The following RABGAP1L variants were observed in gnomAD, a reference collection of about 807,000 sequenced individuals.
RABGAP1L encodes the protein rab GTPase-activating protein 1-like.
Under a neutral mutation model 137.7 loss-of-function variants are expected in RABGAP1L, and 63 were observed. The observed-to-expected ratio is 0.46, with a 90% CI of 0.37 to 0.56. RABGAP1L has a LOEUF of 0.56. Among genes scored for constraint, RABGAP1L ranks in the 20% least tolerant of loss-of-function variants. The probability of loss-of-function intolerance (pLI) is 0.00; values close to 1 mark genes in which losing one functional copy is unlikely to be tolerated. For synonymous variants in RABGAP1L, 431 were observed against 433.7 expected (o/e 0.99, Z 0.08); for missense variants, 1,095 against 1,244.0 (o/e 0.88, Z 1.80).
chr1:174,519,108 T>TAC lies in RABGAP1L; in HGVS notation c.1711-118254_1711-118253dup, dbSNP rs1023502727. Among the ~76,000 whole-genome samples the TAC allele has an allele frequency of 2.7e-4, 41 of 149,896 alleles. No homozygotes were observed. The South Asian group carries it at 2.7e-3, about 10-fold the overall frequency. On this transcript the variant is annotated intron_variant, in intron 13 of 25. Transcript: ENST00000681986. ...ATATATATACACACACACACACACA[T>TAC]ACACACACACACACGTTATATATAA...
chr1:174,261,832 T>C (rs1673602358), intron 7 of RABGAP1L, among the ~76,000 whole-genome samples: 1 of 152,212 alleles, frequency 6.6e-6, no homozygotes, highest in Non-Finnish European at 1.5e-5. Flanking sequence ...TGTTTTATTC[T>C]CTTATGTGAA....
intron 13 of RABGAP1L, among the ~76,000 whole-genome samples, chr1:174,404,093 C>T (rs1307078669): frequency 2.0e-5 from 3 of 152,158 alleles, no homozygotes; most frequent in Non-Finnish European, 2.9e-5. Context: ...AAAGACTTCA[C>T]ACCCTTGAGG....
At chr1:174,627,734 A>C (rs985424807) in intron 13 of RABGAP1L, among the ~76,000 whole-genome samples, 1 of 152,208 alleles carries the variant, frequency 6.6e-6, no homozygotes, top group African/African-American at 2.4e-5. Flanking sequence ...TGTGATGATA[A>C]TGTCAAGGGC....
At position 174,541,906 on chromosome 1, in the gene RABGAP1L, C is replaced by T. The variant is rs569388076; in HGVS notation, c.1711-95469C>T. Among the ~76,000 whole-genome samples the T allele has an allele frequency of 7.2e-5, 11 of 152,256 alleles. No homozygotes were observed. In the South Asian group the frequency reaches 1.0e-3, roughly 14 times the overall value. ...ATGATGGATTATGTTTATTGATTTGCGTATGTTGAACTAGCCTTGCATCCC... is the reference window on the plus strand; with the variant it reads ...ATGATGGATTATGTTTATTGATTTGTGTATGTTGAACTAGCCTTGCATCCC... On this transcript the variant is annotated intron_variant, in intron 13 of 25. Coordinates refer to ENST00000681986, the MANE Select transcript of RABGAP1L (RefSeq NM_001366446.1).
intron 10 of RABGAP1L, among the ~76,000 whole-genome samples, chr1:174,296,156 G>A (rs181213580): frequency 6.6e-6 from 1 of 152,296 alleles, no homozygotes; most frequent in African/African-American, 2.4e-5. Context: ...AATGCCTAAA[G>A]TATCAGTTAC....
chr1:174,990,891 G>A lies in RABGAP1L; in HGVS notation c.*890G>A, dbSNP rs1672013559. 1 of 152,158 alleles carries A rather than the reference G, an allele frequency of 6.6e-6. No homozygotes were observed. Among genetic ancestry groups the A allele is most frequent in the Non-Finnish European group, 1.5e-5 (1 of 68,020 alleles). The allele number at this position is 152,158 out of a possible 1,614,324, so 9.4% of individuals were successfully genotyped here. A position where few individuals can be genotyped will look rare whatever the true frequency, so the allele number is the denominator to read the frequency against. On this transcript the variant is annotated 3_prime_UTR_variant, in exon 26 of 26. Coordinates refer to ENST00000681986, the MANE Select transcript of RABGAP1L (RefSeq NM_001366446.1). Reference sequence around the variant, plus strand: ...CTGAATAGAGTGGAATATAGAACCAGGGACAGAGTATTTCATTTAACGTTG... The same window carrying A: ...CTGAATAGAGTGGAATATAGAACCAAGGACAGAGTATTTCATTTAACGTTG...
chr1:174,978,244 A>T (rs1169665556), intron 22 of RABGAP1L, among the ~76,000 whole-genome samples: 1 of 152,138 alleles, frequency 6.6e-6, no homozygotes, highest in Non-Finnish European at 1.5e-5. Flanking sequence ...ACCTGCCATT[A>T]TGTGTCACTT....
chr1:174,219,047 C>A, intron 1 of RABGAP1L, 78 bp from the exon 2 acceptor site: 1 of 1,111,102 alleles, frequency 9.0e-7, no homozygotes, highest in Non-Finnish European at 1.3e-6. Flanking sequence ...ATTTTTAAAG[C>A]TTTATTAGTT....
At chr1:174,629,760 G>A (rs985578958) in intron 13 of RABGAP1L, among the ~76,000 whole-genome samples, 3 of 152,146 alleles carry the variant, frequency 2.0e-5, no homozygotes, top group African/African-American at 7.2e-5. Flanking sequence ...CTGAGCTCAG[G>A]CAATCCGCCC....
intron 18 of RABGAP1L, among the ~76,000 whole-genome samples, chr1:174,805,333 T>C (rs892660111): frequency 3.3e-5 from 5 of 152,250 alleles, no homozygotes; most frequent in African/African-American, 1.2e-4. Context: ...TTTACTTTTA[T>C]CTTTTTATAT....
intron 11 of RABGAP1L, among the ~76,000 whole-genome samples, chr1:174,315,622 C>CTTTTTTTTTTTTTTTTTTTTTTTTTTT (rs35771793): frequency 7.5e-6 from 1 of 132,712 alleles, no homozygotes. Flanking sequence ...CATTTCTTGC[C>CTTTTTTTTTTTTTTTTTTTTTTTTTTT]TTTTTTTTTT....
At chr1:174,358,973 G>A (rs1161659616) in intron 11 of RABGAP1L, among the ~76,000 whole-genome samples, 1 of 152,166 alleles carries the variant, frequency 6.6e-6, no homozygotes, top group East Asian at 1.9e-4. Flanking sequence ...ATGATGGTAT[G>A]GGCCTAGGGG....
At chr1:174,267,745 A>G (rs1220015568) in intron 7 of RABGAP1L, among the ~76,000 whole-genome samples, 1 of 152,216 alleles carries the variant, frequency 6.6e-6, no homozygotes, top group Non-Finnish European at 1.5e-5. Context: ...TGTGCTTCAA[A>G]CAACGAAGTG....
At chr1:174,880,523 T>C (rs1394063516) in intron 19 of RABGAP1L, among the ~76,000 whole-genome samples, 1 of 151,666 alleles carries the variant, frequency 6.6e-6, no homozygotes, top group Non-Finnish European at 1.5e-5. Context: ...TAAACAGAAT[T>C]CTCTTTTTTT....
At chr1:174,231,429 C>T (rs1172318802) in intron 4 of RABGAP1L, 74 bp downstream of exon 4, 16 of 1,361,272 alleles carry the variant, frequency 1.2e-5, no homozygotes, top group South Asian at 3.6e-5. Flanking sequence ...ATAGCATCAT[C>T]AGGTGTAGAA....
chr1:174,177,670 A>G (rs1307901669), intron 1 of RABGAP1L, among the ~76,000 whole-genome samples: 3 of 152,170 alleles, frequency 2.0e-5, no homozygotes, highest in African/African-American at 7.2e-5. Flanking sequence ...AGGTGTAAGG[A>G]AGGGGTCCAG....
rs532705423 is a variant in RABGAP1L at position 174,968,993 on chromosome 1, G to A, written c.2434-284G>A. On this transcript the variant is annotated intron_variant, in intron 20 of 25. Coordinates refer to ENST00000681986, the MANE Select transcript of RABGAP1L (RefSeq NM_001366446.1). ...TATGTAAAAACCTCACAGGATTGGG[G>A]GGGATATGCTCAGAAAGTTTGTTCT... Among the ~76,000 whole-genome samples the A allele has an allele frequency of 2.8e-3, 420 of 152,220 alleles. 1 individual carries two copies. Among genetic ancestry groups the A allele is most frequent in the Non-Finnish European group, 4.6e-3 (313 of 68,018 alleles).
chr1:174,359,568 A>G (rs958325197), intron 11 of RABGAP1L, among the ~76,000 whole-genome samples: 10 of 152,052 alleles, frequency 6.6e-5, no homozygotes, highest in African/African-American at 2.2e-4. Flanking sequence ...TAGCTTTTCT[A>G]TTTTTGGCAT....
rs1220159889 is a variant in RABGAP1L at position 174,560,300 on chromosome 1, C to T, written c.1711-77075C>T. On this transcript the variant is annotated intron_variant, in intron 13 of 25. Coordinates refer to ENST00000681986, the MANE Select transcript of RABGAP1L (RefSeq NM_001366446.1). Reference sequence around the variant, plus strand: ...CCACCTTCACCCCCTCAGAATATACCCAAGTGTAGTATTCATGGTAGTCCC... The same window carrying T: ...CCACCTTCACCCCCTCAGAATATACTCAAGTGTAGTATTCATGGTAGTCCC... Among the ~76,000 whole-genome samples the T allele has an allele frequency of 2.6e-5, 4 of 152,054 alleles. No homozygotes were observed. In the East Asian group the frequency reaches 7.7e-4, roughly 29 times the overall value.
Sources: gnomAD v4.1 joint callset for allele counts (sites outside exome capture counted in the v4.1 genomes callset) on GRCh38, gnomAD v4.1.1 for gene constraint, MANE v1.5 for transcripts, NCBI Gene and HGNC (gene_info 2026-07-23, HGNC 2026-07-21) for gene names.